THEMIS: variants seen among roughly 807,000 people sequenced by gnomAD.
THEMIS encodes the protein protein THEMIS.
In THEMIS, 37 loss-of-function variants were observed where a neutral mutation model predicts 52.6. The observed-to-expected ratio is 0.70, with a 90% confidence interval of 0.54 to 0.93. The LOEUF (loss-of-function observed/expected upper bound fraction) is 0.93, where lower values mean the gene tolerates loss of function less well. THEMIS is among the 40% of genes least tolerant of loss of function. The pLI, the probability that THEMIS is intolerant of heterozygous loss-of-function variation, is 0.00. For synonymous variants in THEMIS, 292 were observed against 272.7 expected (o/e 1.07, Z -0.70); for missense variants, 808 against 763.1 (o/e 1.06, Z -0.69).
chr6:127,824,872 C>G (rs1052063134), intron 3 of THEMIS, among the ~76,000 whole-genome samples: 1 of 152,074 alleles, frequency 6.6e-6, no homozygotes, highest in Non-Finnish European at 1.5e-5. Context: ...TTGCAGTGAG[C>G]GGAGATTGCG....
chr6:127,894,942 CA>C (rs1234755792), intron 1 of THEMIS, among the ~76,000 whole-genome samples: 1 of 149,208 alleles, frequency 6.7e-6, no homozygotes, highest in African/African-American at 2.4e-5. Flanking sequence ...CATTGTATTT[CA>C]AAAAGTATAT....
At chr6:127,913,448 C>A (rs1233399963) in intron 1 of THEMIS, among the ~76,000 whole-genome samples, 1 of 152,160 alleles carries the variant, frequency 6.6e-6, no homozygotes, top group African/African-American at 2.4e-5. Flanking sequence ...AATACCTTCA[C>A]CAGCACTATG....
At chr6:127,866,408 A>T (rs1309017159) in intron 1 of THEMIS, among the ~76,000 whole-genome samples, 4 of 151,984 alleles carry the variant, frequency 2.6e-5, no homozygotes, top group African/African-American at 9.7e-5. Context: ...TTGCAGTCAA[A>T]TTTTCTCTTT....
At chr6:127,842,524 AT>A (rs1031094261) in intron 2 of THEMIS, among the ~76,000 whole-genome samples, 1 of 151,984 alleles carries the variant, frequency 6.6e-6, no homozygotes. Flanking sequence ...AATAAAAATG[AT>A]TTTTTTAAGT....
chr6:127,912,419 T>A (rs1455478693), intron 1 of THEMIS, among the ~76,000 whole-genome samples: 2 of 152,206 alleles, frequency 1.3e-5, no homozygotes, highest in Admixed American at 1.3e-4. Context: ...AACTCCATCT[T>A]GCTTCTAACC....
chr6:127,810,108 C>T (rs190243667), intron 4 of THEMIS, among the ~76,000 whole-genome samples: 16 of 152,036 alleles, frequency 1.1e-4, no homozygotes, highest in Admixed American at 5.2e-4. Flanking sequence ...GTAGTCTAGG[C>T]GTAATGTTGT....
chr6:127,862,864 T>C (rs745307922), intron 1 of THEMIS, among the ~76,000 whole-genome samples: 34 of 152,126 alleles, frequency 2.2e-4, no homozygotes, highest in Non-Finnish European at 4.4e-4. Context: ...AATCCAGATA[T>C]GACCTAATAA....
intron 4 of THEMIS, among the ~76,000 whole-genome samples, chr6:127,757,641 C>T (rs1775877084): frequency 6.6e-6 from 1 of 152,100 alleles, no homozygotes; most frequent in Non-Finnish European, 1.5e-5. Context: ...CGCCACCACG[C>T]CCGGCTAGAT....
rs138390566 is a variant in THEMIS, at chr6:127,709,987, A to G, written c.1924T>C (p.Ter642GlnextTer8). 1.6e-5 allele frequency: 25 copies of G among 1,589,130 alleles called. No homozygotes were observed. In the African/African-American group the frequency reaches 2.6e-4, roughly 16 times the overall value. ...TAAGTGGCTTCTGTCACATCTTGTT[A>G]TTTTTGATGTTTTTCATTTTTGAAT... Reference protein sequence around the residue: ...ETFKNEKHQK* With the variant: ...ETFKNEKHQKQ The change falls in exon 6 of 6, where the codon TAA becomes CAA. Residue 642 changes from the stop codon to glutamine (Q), a stop_lost. Transcript: ENST00000368248.
intron 4 of THEMIS, among the ~76,000 whole-genome samples, chr6:127,757,983 C>A (rs142326993): frequency 1.5e-4 from 22 of 151,410 alleles, no homozygotes; most frequent in African/African-American, 5.3e-4. Context: ...TATTCACATA[C>A]GAATATGTAT....
intron 4 of THEMIS, among the ~76,000 whole-genome samples, chr6:127,724,976 T>C (rs1774489332): frequency 6.6e-6 from 1 of 152,022 alleles, no homozygotes; most frequent in Admixed American, 6.6e-5. Flanking sequence ...GTGCCCCTTC[T>C]CCCCAAGGGC....
chr6:127,807,056 T>C (rs1189208138), intron 4 of THEMIS, among the ~76,000 whole-genome samples: 1 of 152,134 alleles, frequency 6.6e-6, no homozygotes, highest in Admixed American at 6.5e-5. Context: ...AAAGCTCAAA[T>C]AGCTACCAAA....
intron 4 of THEMIS, among the ~76,000 whole-genome samples, chr6:127,736,399 T>C (rs1253509517): frequency 6.6e-6 from 1 of 152,128 alleles, no homozygotes; most frequent in East Asian, 1.9e-4. Flanking sequence ...ACATTCACTT[T>C]GAAGGGAGTG....
chr6:127,915,135 C>T (rs1228116605), intron 1 of THEMIS, among the ~76,000 whole-genome samples: 2 of 152,062 alleles, frequency 1.3e-5, no homozygotes, highest in African/African-American at 2.4e-5. Context: ...ACAGAAAACA[C>T]TTTTGAAGCT....
chr6:127,727,863 C>T (rs1202227912), intron 4 of THEMIS, among the ~76,000 whole-genome samples: 1 of 152,130 alleles, frequency 6.6e-6, no homozygotes, highest in Non-Finnish European at 1.5e-5. Flanking sequence ...AGCCTGGCAC[C>T]ATTTCTTTGA....
intron 4 of THEMIS, among the ~76,000 whole-genome samples, chr6:127,737,547 T>A (rs1775051016): frequency 6.6e-6 from 1 of 152,232 alleles, no homozygotes; most frequent in Non-Finnish European, 1.5e-5. Context: ...ACTTAAAACA[T>A]TTTCATTTTC....
chr6:127,911,886 C>T (rs1781420757), intron 1 of THEMIS, among the ~76,000 whole-genome samples: 1 of 151,490 alleles, frequency 6.6e-6, no homozygotes, highest in African/African-American at 2.5e-5. Context: ...GGCCATTGTC[C>T]TTCAGACCCC....
chr6:127,730,459 AAGAAAGAG>A, intron 4 of THEMIS, among the ~76,000 whole-genome samples: 1 of 149,814 alleles, frequency 6.7e-6, no homozygotes, highest in African/African-American at 2.5e-5. Flanking sequence ...GAAAGAAAGA[AAGAAAGAG>A]AAAGAGACAG....
At chr6:127,790,007 G>A (rs1777105224) in intron 4 of THEMIS, among the ~76,000 whole-genome samples, 1 of 152,202 alleles carries the variant, frequency 6.6e-6, no homozygotes, top group South Asian at 2.1e-4. Context: ...ATCCAACATA[G>A]TATTGGAAGT....
Sources: allele counts gnomAD v4.1 joint callset (sites outside exome capture counted in the v4.1 genomes callset), GRCh38; gene constraint gnomAD v4.1.1; transcripts MANE v1.5; gene names NCBI Gene and HGNC (gene_info 2026-07-23, HGNC 2026-07-21).